PABPC1: variants seen among roughly 807,000 people sequenced by gnomAD.
The protein encoded by PABPC1 is poly(A) binding protein cytoplasmic 1.
Under a neutral mutation model 74.0 loss-of-function variants are expected in PABPC1, and 4 were observed. The ratio of observed to expected loss-of-function variants is 0.05; its 90% CI spans 0.03 to 0.12. The LOEUF (loss-of-function observed/expected upper bound fraction) is 0.12, where lower values mean the gene tolerates loss of function less well. Among genes scored for constraint, PABPC1 ranks in the 10% least tolerant of loss-of-function variants. The probability of loss-of-function intolerance (pLI) is 1.00; values close to 1 mark genes in which losing one functional copy is unlikely to be tolerated. For missense variants in PABPC1, 271 were observed against 821.1 expected (o/e 0.33, Z 8.19); for synonymous variants, 227 against 264.1 (o/e 0.86, Z 1.36).
Position 100,721,663 on chromosome 8 carries a change from G to C in PABPC1, c.-80C>G. On this transcript the variant is annotated 5_prime_UTR_variant, in exon 1 of 15. Coordinates refer to ENST00000318607, the MANE Select transcript of PABPC1 (RefSeq NM_002568.4). The surrounding 1 kb of genome is among the most constrained non-coding windows in gnomAD (Gnocchi z 7.4). ...GAGCGAGTGCCGGGGCTGGGGGCCG[G>C]AGCCGGGGGGAGGGGAGCGGGGAGC... 8.8e-7 allele frequency: 1 copy of C among 1,131,780 alleles called. No individual in the cohort carries two copies. The highest frequency in any genetic ancestry group is 3.2e-5 in the East Asian group (1 of 31,672). 70.1% of individuals were successfully genotyped at this position (1,131,780 alleles called of 1,614,324 possible).
intron 4 of PABPC1, among the ~76,000 whole-genome samples, chr8:100,713,595 T>G (rs1810585673): frequency 6.6e-6 from 1 of 152,172 alleles, no homozygotes; most frequent in African/African-American, 2.4e-5. Flanking sequence ...GCTCAAGTGA[T>G]CCTCCTGCCT....
chr8:100,713,235 A>G, intron 4 of PABPC1, 54 bp from the exon 5 acceptor site: 3 of 1,060,466 alleles, frequency 2.8e-6, no homozygotes, highest in South Asian at 3.5e-5. Flanking sequence ...TTCACGTTAT[A>G]CATTTCAAAT....
chr8:100,705,223 G>A (rs1810350056), intron 12 of PABPC1, among the ~76,000 whole-genome samples, 167 bp from the exon 13 acceptor site: 1 of 152,212 alleles, frequency 6.6e-6, no homozygotes, highest in African/African-American at 2.4e-5. Context: ...AATAAAATCT[G>A]CCACAAGGCA....
At chr8:100,707,473 G>A (rs1030417884) in intron 9 of PABPC1, among the ~76,000 whole-genome samples, 3 of 152,184 alleles carry the variant, frequency 2.0e-5, no homozygotes, top group African/African-American at 4.8e-5. Context: ...CACTGGAGAG[G>A]GGGCCCTTCC....
intron 2 of PABPC1, 64 bp from the exon 3 acceptor site, chr8:100,717,952 A>C: frequency 7.2e-7 from 1 of 1,383,464 alleles, no homozygotes; most frequent in Non-Finnish European, 1.0e-6. Context: ...TTCAGTGTTG[A>C]GAGACAATCT....
At chr8:100,705,244 G>C (rs1462660279) in intron 12 of PABPC1, among the ~76,000 whole-genome samples, 188 bp from the exon 13 acceptor site, 1 of 152,220 alleles carries the variant, frequency 6.6e-6, no homozygotes, top group African/African-American at 2.4e-5. Flanking sequence ...ATTAACTCTT[G>C]ATATTATCAG....
Position 100,709,209 on chromosome 8 carries a change from A to C in PABPC1, c.1260T>G (p.Ala420=). Residue 420 remains alanine, a synonymous_variant, in exon 9 of 15, where the codon GCT becomes GCG. Transcript: ENST00000318607. The part of the protein sequence containing the change: ...MAAIPQTQNR[A]AYYPPSQIAQ... ...CAATTTGGCTAGGAGGATAGTATGC[A>C]GCACGGTTCTGAGTCTGCAGGGAAA... 1 of 1,614,138 alleles carries C rather than the reference A, an allele frequency of 6.2e-7. No individual in the cohort carries two copies. The highest frequency in any genetic ancestry group is 8.5e-7 in the Non-Finnish European group (1 of 1,179,972).
intron 4 of PABPC1, 74 bp from the exon 5 acceptor site, chr8:100,713,255 C>T: frequency 1.1e-6 from 1 of 876,416 alleles, no homozygotes; most frequent in Non-Finnish European, 1.7e-6. Context: ...TTTCAACATA[C>T]AAAGCCATGA....
At chr8:100,710,656 A>T (rs1810503759) in intron 7 of PABPC1, among the ~76,000 whole-genome samples, 1 of 152,384 alleles carries the variant, frequency 6.6e-6, no homozygotes, top group East Asian at 1.9e-4. Context: ...AGTGAGGTCT[A>T]TAAAGTGGAA....
intron 7 of PABPC1, chr8:100,709,942 C>G (rs1048789361): frequency 4.0e-6 from 2 of 500,316 alleles, no homozygotes; most frequent in African/African-American, 1.9e-5. Context: ...CTAGCCAGGT[C>G]AGAGAACTGA....
At chr8:100,718,930 G>C (rs1158022277) in intron 1 of PABPC1, among the ~76,000 whole-genome samples, 1 of 130,044 alleles carries the variant, frequency 7.7e-6, no homozygotes, top group East Asian at 1.9e-4. Context: ...AGACATATTT[G>C]GTTTCATAAT....
At chr8:100,706,470 T>C (rs1261207396) in intron 11 of PABPC1, among the ~76,000 whole-genome samples, 181 bp downstream of exon 11, 1 of 151,650 alleles carries the variant, frequency 6.6e-6, no homozygotes, top group Non-Finnish European at 1.5e-5. Flanking sequence ...GTTTTCTTTG[T>C]GGAGACAGGG....
In PABPC1 at chr8:100,718,570, C is replaced by T. The variant is rs545672786; in HGVS notation, c.194-290G>A. 2.0e-5 allele frequency among the ~76,000 whole-genome samples: 3 copies of T among 152,298 alleles called. No individual in the cohort carries two copies. The East Asian group carries it at 5.8e-4, about 29-fold the overall frequency. ...TGACGCAATCTCTCGCCTTAATTGC[C>T]ATTAAATCTAAAGCACTTTTTTTCC... On this transcript the variant is annotated intron_variant, in intron 1 of 14. Coordinates refer to ENST00000318607, the MANE Select transcript of PABPC1 (RefSeq NM_002568.4).
At chr8:100,715,423 C>T in intron 4 of PABPC1, 39 bp downstream of exon 4, 1 of 1,544,118 alleles carries the variant, frequency 6.5e-7, no homozygotes, top group South Asian at 1.2e-5. Flanking sequence ...AGCACTAATT[C>T]AGAGCTTTGT....
chr8:100,705,708 A>G, intron 11 of PABPC1, 35 bp from the exon 12 acceptor site: 1 of 1,387,874 alleles, frequency 7.2e-7, no homozygotes, highest in South Asian at 1.2e-5. Flanking sequence ...AGTTTAAAGC[A>G]CAGAAAAAGA....
In PABPC1 at chr8:100,721,565, TG is replaced by T; in HGVS notation, c.18del (p.Ser7AlafsTer16). The T allele has an allele frequency of 6.3e-7, 1 of 1,583,594 alleles. No homozygotes were observed. Among genetic ancestry groups the T allele is most frequent in the Non-Finnish European group, 8.6e-7 (1 of 1,161,554 alleles). ...ACGTAGAGCGAGGCCATGGGGTAGC[TG>T]GGGGCACTGGGGTTCATCTCGGCAC... MNPSAPSYPMASLYVG... is the reference protein window; with the variant it reads MNPSAXSYPMASLYVG... On this transcript the variant is annotated frameshift_variant, in exon 1 of 15. Transcript: ENST00000318607. LOFTEE classifies it high-confidence loss of function. The surrounding 1 kb of genome is among the most constrained non-coding windows in gnomAD (Gnocchi z 7.4).
intron 4 of PABPC1, among the ~76,000 whole-genome samples, chr8:100,714,194 G>A (rs1810604085): frequency 6.6e-6 from 1 of 152,158 alleles, no homozygotes; most frequent in Non-Finnish European, 1.5e-5. Context: ...CATATTTGTG[G>A]TCAACTTATG....
intron 12 of PABPC1, 66 bp downstream of exon 12, chr8:100,705,523 A>G: frequency 2.2e-6 from 2 of 926,168 alleles, no homozygotes; most frequent in Non-Finnish European, 3.5e-6. Flanking sequence ...TGATTGACCT[A>G]GTGCCTAAGT....
chr8:100,706,569 G>C, intron 11 of PABPC1, 82 bp downstream of exon 11: 2 of 1,268,862 alleles, frequency 1.6e-6, no homozygotes, highest in African/African-American at 2.9e-5. Flanking sequence ...TTATAGGTGT[G>C]AGCCACTGTG....
Sources: allele counts gnomAD v4.1 joint callset (sites outside exome capture counted in the v4.1 genomes callset), GRCh38; gene constraint gnomAD v4.1.1; non-coding constraint Gnocchi (gnomAD v3.1); transcripts MANE v1.5; gene names NCBI Gene and HGNC (gene_info 2026-07-23, HGNC 2026-07-21).